Variants in USP25 observed in about 807,000 individuals in gnomAD.
USP25 encodes ubiquitin specific peptidase 25, also known as ubiquitin carboxyl-terminal hydrolase 25.
A neutral mutation model predicts 158.5 loss-of-function variants in USP25; 85 were observed. The ratio of observed to expected loss-of-function variants is 0.54; its 90% confidence interval spans 0.45 to 0.64. USP25 has a LOEUF of 0.64. Ranked by LOEUF, USP25 falls within the 30% of genes least tolerant of loss-of-function variation. USP25 has a pLI of 0.00. For missense variants in USP25, 1,242 were observed against 1,327.3 expected, an observed-to-expected ratio of 0.94 and a Z score of 1.00; for synonymous variants, 464 against 460.4, an observed-to-expected ratio of 1.01 and a Z score of -0.10.
At chr21:15,821,406 G>A (rs138570298) in intron 10 of USP25, among the ~76,000 whole-genome samples, 97 of 151,986 alleles carry the variant, frequency 6.4e-4, no homozygotes, top group Non-Finnish European at 1.1e-3. Context: ...ATACCCTTGC[G>A]CACTTAGGAA....
chr21:15,739,966 C>G (rs2031882709), intron 1 of USP25, among the ~76,000 whole-genome samples: 1 of 152,122 alleles, frequency 6.6e-6, no homozygotes, highest in Admixed American at 6.5e-5. Context: ...TTTTTTGCCC[C>G]TTGATTAACT....
intron 4 of USP25, among the ~76,000 whole-genome samples, chr21:15,785,863 A>AT (rs964056823): frequency 4.0e-5 from 6 of 151,600 alleles, no homozygotes; most frequent in African/African-American, 1.5e-4. Context: ...GATCAGTGAA[A>AT]TTTTTTTGAG....
At chr21:15,872,017 T>TG (rs1328332911) in intron 23 of USP25, among the ~76,000 whole-genome samples, 10 of 131,756 alleles carry the variant, frequency 7.6e-5, no homozygotes, top group African/African-American at 2.4e-4. Context: ...AAATACTGTT[T>TG]TTTTTTTTTT....
chr21:15,745,595 C>A (rs1416775901), intron 1 of USP25, among the ~76,000 whole-genome samples: 1 of 151,464 alleles, frequency 6.6e-6, no homozygotes, highest in Non-Finnish European at 1.5e-5. Flanking sequence ...TCTGCCTCAG[C>A]CTCCTGAGTA....
intron 14 of USP25, among the ~76,000 whole-genome samples, chr21:15,828,630 G>A (rs1244250061): frequency 2.0e-5 from 3 of 152,124 alleles, no homozygotes; most frequent in African/African-American, 7.2e-5. Context: ...TTCTCTTTTG[G>A]CCATTTTAAG....
At chr21:15,741,228 C>A (rs1311504252) in intron 1 of USP25, among the ~76,000 whole-genome samples, 1 of 150,562 alleles carries the variant, frequency 6.6e-6, no homozygotes, top group East Asian at 1.9e-4. Flanking sequence ...TTTCTTTTTA[C>A]TATGGAGTAA....
chr21:15,851,967 G>C (rs568341818), intron 20 of USP25, among the ~76,000 whole-genome samples: 1 of 151,972 alleles, frequency 6.6e-6, no homozygotes, highest in East Asian at 1.9e-4. Flanking sequence ...TGATAGTACA[G>C]CAAGAAAGCA....
intron 3 of USP25, among the ~76,000 whole-genome samples, chr21:15,772,167 A>G (rs1418001864): frequency 6.6e-6 from 1 of 152,166 alleles, no homozygotes; most frequent in Non-Finnish European, 1.5e-5. Context: ...TTTTGTTTGA[A>G]GTCTAGTTCA....
intron 1 of USP25, among the ~76,000 whole-genome samples, chr21:15,762,446 G>T (rs1301889427): frequency 6.6e-6 from 1 of 152,132 alleles, no homozygotes; most frequent in Non-Finnish European, 1.5e-5. Context: ...ACAGTGAAAT[G>T]ATCTTCTTTT....
chr21:15,739,534 C>CT (rs111886063), intron 1 of USP25, among the ~76,000 whole-genome samples: 2,242 of 151,286 alleles, frequency 0.015, 43 homozygotes, highest in African/African-American at 0.045. Context: ...AGGCAGGGCA[C>CT]TTTTTTTTTG....
chr21:15,743,504 A>G (rs2032253085), intron 1 of USP25, among the ~76,000 whole-genome samples: 1 of 152,202 alleles, frequency 6.6e-6, no homozygotes, highest in African/African-American at 2.4e-5. Context: ...CCATCTTTGC[A>G]GTTGAGTCCA....
intron 5 of USP25, among the ~76,000 whole-genome samples, chr21:15,795,472 G>C (rs2035815330): frequency 6.6e-6 from 1 of 151,290 alleles, no homozygotes; most frequent in Admixed American, 6.6e-5. Flanking sequence ...TTTGTTTTTG[G>C]AGTTCTGTCC....
intron 17 of USP25, among the ~76,000 whole-genome samples, chr21:15,837,332 T>G (rs931163967): frequency 1.8e-4 from 20 of 111,876 alleles, no homozygotes; most frequent in Middle Eastern, 4.9e-3. Context: ...TGTCAGTGTG[T>G]GGATCAGAGT....
intron 1 of USP25, among the ~76,000 whole-genome samples, chr21:15,753,688 G>A (rs539251590): frequency 4.7e-4 from 69 of 147,796 alleles, no homozygotes; most frequent in African/African-American, 1.6e-3. Context: ...TATGCTTCTC[G>A]TTCCTGTATG....
At chr21:15,800,811 ACTTTTT>A (rs906975438) in intron 6 of USP25, among the ~76,000 whole-genome samples, 4 of 151,512 alleles carry the variant, frequency 2.6e-5, no homozygotes, top group African/African-American at 7.2e-5. Flanking sequence ...TTTTAAAACC[ACTTTTT>A]CTTTTTCTGT....
chr21:15,848,584 C>CTAGTTT (rs751081970), intron 19 of USP25, among the ~76,000 whole-genome samples: 4 of 151,898 alleles, frequency 2.6e-5, no homozygotes, highest in Non-Finnish European at 5.9e-5. Context: ...TTGTTGGATT[C>CTAGTTT]TAGTTTTTGT....
intron 9 of USP25, among the ~76,000 whole-genome samples, chr21:15,811,422 A>G (rs965899262): frequency 1.3e-5 from 2 of 151,858 alleles, no homozygotes; most frequent in South Asian, 4.2e-4. Context: ...ATACTAATTA[A>G]TACTTTATTT....
At chr21:15,813,504 G>A in intron 9 of USP25, among the ~76,000 whole-genome samples, 1 of 152,112 alleles carries the variant, frequency 6.6e-6, no homozygotes, top group Non-Finnish European at 1.5e-5. Flanking sequence ...ATATAATAAA[G>A]GAATTACCCA....
chr21:15,878,194 A>T, intron 25 of USP25, 109 bp from the exon 26 acceptor site: 1 of 1,417,148 alleles, frequency 7.1e-7, no homozygotes, highest in Non-Finnish European at 9.4e-7. Context: ...GTCTCCCCAA[A>T]ATGGCAATTA....
Sources: gnomAD v4.1 joint callset for allele counts (sites outside exome capture counted in the v4.1 genomes callset) on GRCh38, gnomAD v4.1.1 for gene constraint, MANE v1.5 for transcripts, NCBI Gene and HGNC (gene_info 2026-07-23, HGNC 2026-07-21) for gene names.